Variants in TTBK2 observed in about 807,000 individuals in gnomAD.
The protein encoded by TTBK2 is tau tubulin kinase 2, also known as tau-tubulin kinase 2.
TTBK2 carries 28 observed loss-of-function variants against 110.8 expected under a neutral mutation model. The observed-to-expected ratio is 0.25, with a 90% CI of 0.19 to 0.35. TTBK2 has a LOEUF of 0.35. TTBK2 is among the 10% of genes least tolerant of loss of function. TTBK2 has a pLI of 1.00. For missense variants in TTBK2, 1,369 were observed against 1,500.3 expected, an observed-to-expected ratio of 0.91 and a Z score of 1.45; for synonymous variants, 532 against 527.3, an observed-to-expected ratio of 1.01 and a Z score of -0.12.
chr15:42,846,215 C>T (rs1350455744), intron 3 of TTBK2, among the ~76,000 whole-genome samples: 1 of 146,588 alleles, frequency 6.8e-6, no homozygotes, highest in Non-Finnish European at 1.5e-5. Context: ...TTTTTTGAGA[C>T]AGTCTGCTCT....
chr15:42,778,119 C>A (rs1212635759), intron 11 of TTBK2, among the ~76,000 whole-genome samples: 1 of 151,640 alleles, frequency 6.6e-6, no homozygotes, highest in African/African-American at 2.4e-5. Context: ...TTAAAACTCC[C>A]AAATATTTCA....
chr15:42,872,098 G>T (rs370338508), intron 3 of TTBK2, among the ~76,000 whole-genome samples: 1 of 152,040 alleles, frequency 6.6e-6, no homozygotes, highest in Non-Finnish European at 1.5e-5. Context: ...GTAGTAAAAC[G>T]GACTTCAAAA....
rs910964945 is a variant in TTBK2 at position 42,739,821 on chromosome 15, C to T, written c.*5974G>A. On this transcript the variant is annotated 3_prime_UTR_variant, in exon 15 of 15. Transcript: ENST00000267890. ...GGTAGCCTTGTTTACCCCTTGTAGG[C>T]GAGTGAAGAATGCCCACACAGAGTT... 1.3e-5 allele frequency: 2 copies of T among 152,136 alleles called. No homozygotes were observed. Among genetic ancestry groups the T allele is most frequent in the African/African-American group, 4.8e-5 (2 of 41,442 alleles). 9.4% of individuals were successfully genotyped at this position (152,136 alleles called of 1,614,324 possible). A position where few individuals can be genotyped will look rare whatever the true frequency, so the allele number is the denominator to read the frequency against.
intron 1 of TTBK2, among the ~76,000 whole-genome samples, chr15:42,912,401 A>T (rs1312562310): frequency 6.6e-6 from 1 of 152,240 alleles, no homozygotes; most frequent in Non-Finnish European, 1.5e-5. Flanking sequence ...ACTGTCATAT[A>T]GTTTATATAA....
At chr15:42,892,485 T>C (rs955659911) in intron 1 of TTBK2, among the ~76,000 whole-genome samples, 35 of 151,474 alleles carry the variant, frequency 2.3e-4, no homozygotes, top group Admixed American at 2.0e-4. Context: ...GGCAGGTGGA[T>C]TGATTGAGCT....
At chr15:42,918,102 G>A (rs529848249) in intron 1 of TTBK2, among the ~76,000 whole-genome samples, 12 of 151,826 alleles carry the variant, frequency 7.9e-5, no homozygotes, top group South Asian at 4.2e-4. Context: ...AAGAGATGGG[G>A]TCTTGCTCTG....
At chr15:42,859,331 C>T (rs1894065252) in intron 3 of TTBK2, among the ~76,000 whole-genome samples, 1 of 152,140 alleles carries the variant, frequency 6.6e-6, no homozygotes, top group Non-Finnish European at 1.5e-5. Flanking sequence ...TGATCTCAAT[C>T]TCCTGGGCTC....
intron 13 of TTBK2, among the ~76,000 whole-genome samples, chr15:42,763,309 G>A (rs1434464483): frequency 7.5e-6 from 1 of 133,994 alleles, no homozygotes; most frequent in African/African-American, 2.9e-5. Context: ...CACCTCCTGG[G>A]TTCAAGCAGT....
At chr15:42,776,002 T>C (rs1889904864) in intron 12 of TTBK2, among the ~76,000 whole-genome samples, 1 of 152,204 alleles carries the variant, frequency 6.6e-6, no homozygotes, top group African/African-American at 2.4e-5. Context: ...TATTGTATGT[T>C]GATATTTATT....
intron 1 of TTBK2, among the ~76,000 whole-genome samples, chr15:42,899,762 G>A (rs192495600): frequency 1.0e-3 from 152 of 150,954 alleles, no homozygotes; most frequent in African/African-American, 3.6e-3. Flanking sequence ...TTAGCCAGGT[G>A]TGCTGGTGGG....
At chr15:42,814,788 G>A (rs1891873107) in intron 7 of TTBK2, among the ~76,000 whole-genome samples, 1 of 152,186 alleles carries the variant, frequency 6.6e-6, no homozygotes, top group Admixed American at 6.5e-5. Context: ...ATGTTACTGA[G>A]TAAAAGCATT....
intron 11 of TTBK2, among the ~76,000 whole-genome samples, chr15:42,780,308 T>C (rs8028167): frequency 0.79 from 118,057 of 148,686 alleles, 47,012 homozygotes; most frequent in Middle Eastern, 0.88. Flanking sequence ...GCTGGGATTA[T>C]GGGTGTGAGC....
chr15:42,850,239 C>T (rs552878206), intron 3 of TTBK2, among the ~76,000 whole-genome samples: 12 of 152,182 alleles, frequency 7.9e-5, no homozygotes, highest in Non-Finnish European at 1.8e-4. Context: ...TCCATGCTTT[C>T]TCTGGGCATT....
rs1567008577 is a variant in TTBK2, at chr15:42,763,131, CATATATACATACATATATATATATACAT to C, written c.1999-9912_1999-9885del. Among the ~76,000 whole-genome samples the C allele has an allele frequency of 9.0e-4, 54 of 59,844 alleles. 2 individuals are homozygous for C. Among genetic ancestry groups the C allele is most frequent in the African/African-American group, 3.2e-3 (38 of 11,818 alleles). The allele number at this position is 59,844 out of a possible 152,430, so 39.3% of individuals were successfully genotyped here. ...ATATATATATATACACATATATATA[CATATATACATACATATATATATATACAT>C]ATATATATATATATATATATATATA... On this transcript the variant is annotated intron_variant, in intron 13 of 14. Transcript: ENST00000267890.
intron 13 of TTBK2, among the ~76,000 whole-genome samples, chr15:42,770,962 CTTT>C (rs948774976): frequency 6.7e-6 from 1 of 149,398 alleles, no homozygotes; most frequent in African/African-American, 2.5e-5. Context: ...GGAACTATTT[CTTT>C]TTTTTCTTTC....
intron 3 of TTBK2, among the ~76,000 whole-genome samples, chr15:42,863,508 A>G (rs1894242265): frequency 6.6e-6 from 1 of 152,192 alleles, no homozygotes; most frequent in Non-Finnish European, 1.5e-5. Context: ...TACCCAAAGC[A>G]ATTTGCAGAT....
intron 10 of TTBK2, among the ~76,000 whole-genome samples, chr15:42,791,849 T>C (rs1000649851): frequency 1.3e-5 from 2 of 152,152 alleles, no homozygotes; most frequent in African/African-American, 2.4e-5. Context: ...TAGTTAACAA[T>C]AGCTTGTGTA....
At chr15:42,818,842 C>T (rs1276979055) in intron 6 of TTBK2, among the ~76,000 whole-genome samples, 3 of 141,216 alleles carry the variant, frequency 2.1e-5, no homozygotes, top group Admixed American at 6.8e-5. Flanking sequence ...GGCTGGAGTG[C>T]AGTGGTGCGA....
intron 10 of TTBK2, 96 bp from the exon 11 acceptor site, chr15:42,783,731 T>C (rs1338555218): frequency 4.5e-6 from 4 of 887,564 alleles, no homozygotes; most frequent in Non-Finnish European, 7.0e-6. Context: ...ACTCCACACA[T>C]AATTAAGAGA....
Sources: gnomAD v4.1 joint callset for allele counts (sites outside exome capture counted in the v4.1 genomes callset) on GRCh38, gnomAD v4.1.1 for gene constraint, MANE v1.5 for transcripts, NCBI Gene and HGNC (gene_info 2026-07-23, HGNC 2026-07-21) for gene names.